The following NALF1 variants were observed in gnomAD, a reference collection of about 807,000 sequenced individuals.
NALF1 encodes the protein NALCN channel auxiliary factor 1.
A neutral mutation model predicts 48.4 loss-of-function variants in NALF1; 3 were observed. The ratio of observed to expected loss-of-function variants is 0.06; its 90% CI spans 0.03 to 0.16. The LOEUF is 0.16. Ranked by LOEUF, NALF1 falls within the 10% of genes least tolerant of loss-of-function variation. NALF1 has a pLI of 1.00. For synonymous variants in NALF1, 262 were observed against 245.7 expected (o/e 1.07, Z -0.62); for missense variants, 526 against 571.5 (o/e 0.92, Z 0.81).
chr13:107,363,658 G>T (rs958833124), intron 1 of NALF1, among the ~76,000 whole-genome samples: 1 of 152,282 alleles, frequency 6.6e-6, no homozygotes, highest in Non-Finnish European at 1.5e-5. Context: ...AAGAGTATAT[G>T]ATTTTAGTTT....
chr13:107,526,340 G>A (rs1339863529), intron 1 of NALF1, among the ~76,000 whole-genome samples: 1 of 151,970 alleles, frequency 6.6e-6, no homozygotes, highest in Admixed American at 6.6e-5. Flanking sequence ...GCTTTTCCTG[G>A]CAGCAATATA....
chr13:107,393,893 TTGAG>T (rs1371558143), intron 1 of NALF1, among the ~76,000 whole-genome samples: 5 of 152,186 alleles, frequency 3.3e-5, no homozygotes, highest in African/African-American at 1.2e-4. Context: ...ATTTAGAATG[TTGAG>T]TATCACAAAT....
chr13:107,228,799 T>A (rs935461367), intron 1 of NALF1, among the ~76,000 whole-genome samples: 1 of 152,098 alleles, frequency 6.6e-6, no homozygotes, highest in African/African-American at 2.4e-5. Context: ...TTTTGTATTT[T>A]TAGTTAAGAC....
intron 1 of NALF1, among the ~76,000 whole-genome samples, chr13:107,337,128 T>C (rs1245200964): frequency 6.6e-6 from 1 of 151,152 alleles, no homozygotes; most frequent in Non-Finnish European, 1.5e-5. Context: ...GGCTTCCACT[T>C]TGGAAAATGT....
chr13:107,250,900 T>C (rs1880686607), intron 1 of NALF1, among the ~76,000 whole-genome samples: 1 of 152,150 alleles, frequency 6.6e-6, no homozygotes, highest in Non-Finnish European at 1.5e-5. Flanking sequence ...TTCCTCCTGC[T>C]CCCAGCCATG....
chr13:107,658,119 T>C (rs912251972), intron 1 of NALF1, among the ~76,000 whole-genome samples: 6 of 152,140 alleles, frequency 3.9e-5, no homozygotes, highest in Non-Finnish European at 8.8e-5. Flanking sequence ...GACTTGACTC[T>C]TTATTGTTTT....
intron 1 of NALF1, among the ~76,000 whole-genome samples, chr13:107,348,405 G>A (rs968131895): frequency 6.6e-6 from 1 of 152,104 alleles, no homozygotes; most frequent in Non-Finnish European, 1.5e-5. Context: ...AAAATTTAAA[G>A]TGCATATAAT....
intron 1 of NALF1, among the ~76,000 whole-genome samples, chr13:107,728,410 T>C (rs1202790896): frequency 6.6e-6 from 1 of 152,210 alleles, no homozygotes; most frequent in Non-Finnish European, 1.5e-5. Context: ...GAAACCATCA[T>C]TCTCAGCAAA....
At chr13:107,247,445 G>A (rs567860383) in intron 1 of NALF1, among the ~76,000 whole-genome samples, 8 of 152,292 alleles carry the variant, frequency 5.3e-5, no homozygotes, top group African/African-American at 9.6e-5. Context: ...TGACCAAAGC[G>A]CATGAGAAAG....
chr13:107,654,197 G>C (rs1351324603), intron 1 of NALF1, among the ~76,000 whole-genome samples: 2 of 152,108 alleles, frequency 1.3e-5, no homozygotes, highest in South Asian at 2.1e-4. Context: ...AAATGAAATG[G>C]AAGATATTAT....
chr13:107,701,678 T>C (rs1881824877), intron 1 of NALF1, among the ~76,000 whole-genome samples: 1 of 152,184 alleles, frequency 6.6e-6, no homozygotes, highest in Non-Finnish European at 1.5e-5. Flanking sequence ...ATGAGGACTA[T>C]AGTTAATACA....
intron 2 of NALF1, among the ~76,000 whole-genome samples, chr13:107,181,398 A>G (rs1038234862): frequency 2.0e-5 from 3 of 151,550 alleles, no homozygotes; most frequent in Non-Finnish European, 4.4e-5. Flanking sequence ...TAATAGCTTT[A>G]GCCAATTCTC....
intron 1 of NALF1, among the ~76,000 whole-genome samples, chr13:107,698,916 CAG>C (rs922043026): frequency 2.0e-5 from 3 of 152,034 alleles, no homozygotes; most frequent in African/African-American, 7.2e-5. Context: ...TTGGGAATAT[CAG>C]AGCAATAAGA....
intron 1 of NALF1, among the ~76,000 whole-genome samples, chr13:107,473,237 G>C (rs1331940328): frequency 6.6e-6 from 1 of 151,490 alleles, no homozygotes; most frequent in South Asian, 2.1e-4. Context: ...ATTCTTCAGC[G>C]CCAGGGTCCT....
chr13:107,553,958 C>A (rs1877375895), intron 1 of NALF1, among the ~76,000 whole-genome samples: 1 of 152,202 alleles, frequency 6.6e-6, no homozygotes, highest in South Asian at 2.1e-4. Context: ...ACTGACACAG[C>A]CAGAGAGTCA....
chr13:107,492,264 T>C (rs903499157), intron 1 of NALF1, among the ~76,000 whole-genome samples: 1 of 151,772 alleles, frequency 6.6e-6, no homozygotes, highest in Non-Finnish European at 1.5e-5. Context: ...GGCCAGGCTG[T>C]TCTCAAATTC....
At chr13:107,335,649 C>T (rs1018890843) in intron 1 of NALF1, among the ~76,000 whole-genome samples, 1 of 152,190 alleles carries the variant, frequency 6.6e-6, no homozygotes, top group African/African-American at 2.4e-5. Context: ...CTTTTAACCT[C>T]CAGCAAGGCA....
chr13:107,800,809 A>G (rs1878591257), intron 1 of NALF1, among the ~76,000 whole-genome samples: 1 of 150,306 alleles, frequency 6.7e-6, no homozygotes, highest in Admixed American at 6.7e-5. Context: ...GTAATTTCTA[A>G]GTTGCTAATG....
At chr13:107,470,461 G>A (rs1885081867) in intron 1 of NALF1, among the ~76,000 whole-genome samples, 1 of 152,194 alleles carries the variant, frequency 6.6e-6, no homozygotes, top group Non-Finnish European at 1.5e-5. Flanking sequence ...ATCCAGGGAA[G>A]TCACGAAGTT....
Sources: allele counts gnomAD v4.1 joint callset (sites outside exome capture counted in the v4.1 genomes callset), GRCh38; gene constraint gnomAD v4.1.1; transcripts MANE v1.5; gene names NCBI Gene and HGNC (gene_info 2026-07-23, HGNC 2026-07-21).